TEAD1: variants seen among roughly 807,000 people sequenced by gnomAD.
TEAD1 encodes TEA domain transcription factor 1.
TEAD1 carries 9 observed loss-of-function variants against 54.9 expected under a neutral mutation model. The observed-to-expected ratio is 0.16, with a 90% CI of 0.10 to 0.29. TEAD1 has a LOEUF of 0.29. Among genes scored for constraint, TEAD1 ranks in the 10% least tolerant of loss-of-function variants. TEAD1 has a pLI of 1.00. For synonymous variants in TEAD1, 200 were observed against 187.8 expected, an observed-to-expected ratio of 1.07 and a Z score of -0.53; for missense variants, 387 against 535.9, an observed-to-expected ratio of 0.72 and a Z score of 2.74.
chr11:12,805,193 G>A (rs1216311556), intron 3 of TEAD1, among the ~76,000 whole-genome samples: 1 of 152,196 alleles, frequency 6.6e-6, no homozygotes, highest in Non-Finnish European at 1.5e-5. Context: ...CATGAAAATT[G>A]TATAAGTGAG....
rs370178979 is a variant in TEAD1 at position 12,883,816 on chromosome 11, A to G, written c.699+691A>G. ...ATCACGAGGTCAGGAGATCAAGACC[A>G]TCTTGGCCAACATGGTGAAACCCCG... On this transcript the variant is annotated intron_variant, in intron 9 of 12. Transcript: ENST00000527636. Among the ~76,000 whole-genome samples the G allele has an allele frequency of 2.6e-4, 39 of 152,234 alleles. No individual in the cohort carries two copies. In the East Asian group the frequency reaches 3.7e-3, roughly 14 times the overall value.
At chr11:12,913,639 A>C (rs78247034) in intron 10 of TEAD1, among the ~76,000 whole-genome samples, 6 of 152,344 alleles carry the variant, frequency 3.9e-5, no homozygotes, top group African/African-American at 1.4e-4. Flanking sequence ...CAGATTTATC[A>C]GGTTGCCCAG....
chr11:12,881,331 G>GA (rs1947961695), intron 7 of TEAD1, among the ~76,000 whole-genome samples: 1 of 152,120 alleles, frequency 6.6e-6, no homozygotes, highest in Non-Finnish European at 1.5e-5. Context: ...TCATGGTATT[G>GA]AAGGCTGAGC....
chr11:12,866,542 A>G (rs181422993), intron 5 of TEAD1, among the ~76,000 whole-genome samples: 1 of 152,342 alleles, frequency 6.6e-6, no homozygotes, highest in African/African-American at 2.4e-5. Context: ...ATATGTAAAA[A>G]TACACAGCGG....
chr11:12,725,747 G>A (rs1944297970), intron 2 of TEAD1, among the ~76,000 whole-genome samples: 1 of 152,242 alleles, frequency 6.6e-6, no homozygotes, highest in African/African-American at 2.4e-5. Flanking sequence ...AAACCCTGAA[G>A]ATTGTGGTCT....
In TEAD1 at chr11:12,937,408, T is replaced by C; in HGVS notation, c.*186T>C. Reference sequence around the variant, plus strand: ...AAGTCATTTTTTCATGTGTTCATACTATCATTGTAGCTGTGAAGTTCTGGT... The same window carrying C: ...AAGTCATTTTTTCATGTGTTCATACCATCATTGTAGCTGTGAAGTTCTGGT... On this transcript the variant is annotated 3_prime_UTR_variant, in exon 13 of 13. Coordinates refer to ENST00000527636, the MANE Select transcript of TEAD1 (RefSeq NM_021961.6). 1.9e-6 allele frequency: 1 copy of C among 524,494 alleles called. No individual in the cohort carries two copies. The highest frequency in any genetic ancestry group is 3.3e-5 in the East Asian group (1 of 30,184). The allele number at this position is 524,494 out of a possible 1,614,324, so 32.5% of individuals were successfully genotyped here.
At chr11:12,780,955 C>T (rs180919438) in intron 3 of TEAD1, among the ~76,000 whole-genome samples, 1 of 152,316 alleles carries the variant, frequency 6.6e-6, no homozygotes, top group Admixed American at 6.5e-5. Flanking sequence ...AAACTTACTA[C>T]AGAGCTACAG....
intron 2 of TEAD1, among the ~76,000 whole-genome samples, chr11:12,751,285 CAAAA>C (rs67548037): frequency 1.6e-4 from 18 of 112,576 alleles, no homozygotes; most frequent in Non-Finnish European, 1.4e-4. Context: ...CAACCTGACT[CAAAA>C]AAAAAAAAAA....
At chr11:12,892,974 G>A (rs1292811337) in intron 9 of TEAD1, among the ~76,000 whole-genome samples, 11 of 152,156 alleles carry the variant, frequency 7.2e-5, no homozygotes. Flanking sequence ...CACATTGACT[G>A]TTTCATTTGA....
At chr11:12,735,792 T>A (rs1197277775) in intron 2 of TEAD1, among the ~76,000 whole-genome samples, 1 of 152,182 alleles carries the variant, frequency 6.6e-6, no homozygotes, top group Admixed American at 6.5e-5. Context: ...CCTCTCTCAC[T>A]GGACTGTGAA....
At chr11:12,708,225 T>C (rs1282295788) in intron 2 of TEAD1, among the ~76,000 whole-genome samples, 1 of 151,926 alleles carries the variant, frequency 6.6e-6, no homozygotes, top group Non-Finnish European at 1.5e-5. Flanking sequence ...CCTTGCTTGA[T>C]ATCCAGGTGC....
At chr11:12,707,129 T>G (rs1414009476) in intron 2 of TEAD1, among the ~76,000 whole-genome samples, 4 of 150,638 alleles carry the variant, frequency 2.7e-5, no homozygotes, top group African/African-American at 9.8e-5. Context: ...TTTTTTTTTT[T>G]TTTTTTTTCA....
At chr11:12,848,107 T>G (rs1947193397) in intron 3 of TEAD1, among the ~76,000 whole-genome samples, 1 of 152,186 alleles carries the variant, frequency 6.6e-6, no homozygotes, top group South Asian at 2.1e-4. Context: ...TGAGTACATC[T>G]ATCCATCTAA....
chr11:12,783,097 T>TG lies in TEAD1; in HGVS notation c.202+18663_202+18664insG, dbSNP rs1491251072. On this transcript the variant is annotated intron_variant, in intron 3 of 12. Transcript: ENST00000527636. The stretch of plus-strand genomic sequence containing the variant: ...TAGAAGTCACTAAACCAGGTAAGGG[T>TG]TTGTGTGTGTGTGTGTGTGTGTGTG... Among the ~76,000 whole-genome samples the TG allele has an allele frequency of 5.6e-4, 75 of 135,058 alleles. 1 individual carries two copies. Among genetic ancestry groups the TG allele is most frequent in the Middle Eastern group, 7.1e-3 (2 of 282 alleles). The allele number at this position is 135,058 out of a possible 152,430, so 88.6% of individuals were successfully genotyped here.
chr11:12,833,640 T>G (rs1426469078), intron 3 of TEAD1, among the ~76,000 whole-genome samples: 1 of 152,132 alleles, frequency 6.6e-6, no homozygotes, highest in Non-Finnish European at 1.5e-5. Flanking sequence ...AAAAAAGCGT[T>G]GGTTCCTTTT....
At chr11:12,873,809 A>C (rs1422637247) in intron 5 of TEAD1, among the ~76,000 whole-genome samples, 1 of 152,246 alleles carries the variant, frequency 6.6e-6, no homozygotes, top group African/African-American at 2.4e-5. Context: ...TGCAGAGGTC[A>C]TGTGGAGCCA....
chr11:12,863,403 C>T (rs372387735), intron 4 of TEAD1, among the ~76,000 whole-genome samples: 2 of 152,074 alleles, frequency 1.3e-5, no homozygotes, highest in African/African-American at 4.8e-5. Flanking sequence ...GAACAAAATT[C>T]GGGTGAAAAC....
Position 12,783,007 on chromosome 11 carries a change from A to G in TEAD1, c.202+18573A>G, listed in dbSNP as rs1006103501. Among the ~76,000 whole-genome samples, 19 of 152,120 alleles carry G rather than the reference A, an allele frequency of 1.2e-4. 1 individual carries two copies. Among genetic ancestry groups the G allele is most frequent in the Non-Finnish European group, 4.4e-5 (3 of 68,028 alleles). On this transcript the variant is annotated intron_variant, in intron 3 of 12. Coordinates refer to ENST00000527636, the MANE Select transcript of TEAD1 (RefSeq NM_021961.6). ...TGGGTCTGGGGATCCAGATGTCACT[A>G]AACAGTATCTTCTTCACAAAAGAGT...
chr11:12,701,942 G>A (rs1481204389), intron 2 of TEAD1, among the ~76,000 whole-genome samples: 1 of 152,186 alleles, frequency 6.6e-6, no homozygotes, highest in Non-Finnish European at 1.5e-5. Context: ...AATGTCATTT[G>A]GTTATAGCCG....
Sources: allele counts gnomAD v4.1 joint callset (sites outside exome capture counted in the v4.1 genomes callset), GRCh38; gene constraint gnomAD v4.1.1; transcripts MANE v1.5; gene names NCBI Gene and HGNC (gene_info 2026-07-23, HGNC 2026-07-21).